Variants in RPRD1B observed in about 807,000 individuals in gnomAD.
RPRD1B encodes the protein regulation of nuclear pre-mRNA domain containing 1B, also known as regulation of nuclear pre-mRNA domain-containing protein 1B.
In RPRD1B, 11 loss-of-function variants were observed where a neutral mutation model predicts 41.5. The observed-to-expected ratio is 0.27, with a 90% CI of 0.17 to 0.44. RPRD1B has a LOEUF of 0.44. Among genes scored for constraint, RPRD1B ranks in the 20% least tolerant of loss-of-function variants. The probability of loss-of-function intolerance (pLI) is 1.00; values close to 1 mark genes in which losing one functional copy is unlikely to be tolerated. For missense variants in RPRD1B, 248 were observed against 389.9 expected (o/e 0.64, Z 3.06); for synonymous variants, 158 against 155.6 (o/e 1.02, Z -0.12).
At chr20:38,057,506 A>T in intron 3 of RPRD1B, 26 bp from the exon 4 acceptor site, 1 of 1,564,346 alleles carries the variant, frequency 6.4e-7, no homozygotes, top group Non-Finnish European at 8.8e-7. Context: ...ATGTGACTCA[A>T]ATTTATTACT....
rs756682950 is a variant in RPRD1B, at chr20:38,033,938, T to A, written c.-10T>A. ...CAGGCCGCTCCCTGCCGGGCCTCAC[T>A]GCCGCCACCATGTCCTCCTTCTCTG... On this transcript the variant is annotated 5_prime_UTR_variant, in exon 1 of 7. Transcript: ENST00000373433. 24 of 1,604,324 alleles carry A rather than the reference T, an allele frequency of 1.5e-5. No individual in the cohort carries two copies. In the Admixed American group the frequency reaches 3.7e-4, roughly 25 times the overall value.
chr20:38,044,757 C>T (rs1189906471), intron 2 of RPRD1B, among the ~76,000 whole-genome samples: 1 of 152,140 alleles, frequency 6.6e-6, no homozygotes, highest in Non-Finnish European at 1.5e-5. Flanking sequence ...ATGGTAGGGA[C>T]ACTCGGAAAT....
chr20:38,090,825 G>A lies in RPRD1B; in HGVS notation c.*950G>A, dbSNP rs2074606087. The A allele has an allele frequency of 3.0e-6, 3 of 985,458 alleles. No individual in the cohort carries two copies. Among genetic ancestry groups the A allele is most frequent in the Non-Finnish European group, 2.4e-6 (2 of 829,956 alleles). The allele number at this position is 985,458 out of a possible 1,614,324, so 61.0% of individuals were successfully genotyped here. On this transcript the variant is annotated 3_prime_UTR_variant, in exon 7 of 7. Transcript: ENST00000373433. ...CACTAACGTTTAATCCGCTGTCTGG[G>A]TGCATGTCCACAGTACGGTGGCTAA...
intron 1 of RPRD1B, among the ~76,000 whole-genome samples, chr20:38,036,082 GAC>G (rs1041774867): frequency 2.0e-5 from 3 of 152,008 alleles, no homozygotes; most frequent in Admixed American, 6.6e-5. Context: ...CTTCTTTTGT[GAC>G]ACTTTCTTGA....
At chr20:38,063,947 T>C (rs2074327049) in intron 5 of RPRD1B, among the ~76,000 whole-genome samples, 1 of 152,250 alleles carries the variant, frequency 6.6e-6, no homozygotes, top group Admixed American at 6.5e-5. Context: ...GTAAAAGTTC[T>C]TGAGGCTGCA....
At chr20:38,048,234 A>T in intron 2 of RPRD1B, 114 bp from the exon 3 acceptor site, 2 of 1,130,496 alleles carry the variant, frequency 1.8e-6, no homozygotes, top group Non-Finnish European at 1.2e-6. Context: ...ATTTGGTTTT[A>T]AATGTGTAAA....
At chr20:38,081,526 A>G (rs1046414312) in intron 6 of RPRD1B, among the ~76,000 whole-genome samples, 3 of 152,144 alleles carry the variant, frequency 2.0e-5, no homozygotes, top group African/African-American at 7.2e-5. Flanking sequence ...CTCTCTTCCT[A>G]TTTGGATGCC....
At chr20:38,066,346 AT>A in intron 6 of RPRD1B, 90 bp downstream of exon 6, 1 of 1,177,490 alleles carries the variant, frequency 8.5e-7, no homozygotes, top group Non-Finnish European at 1.2e-6. Context: ...AATTAACAAC[AT>A]TTTTATCGTT....
intron 1 of RPRD1B, among the ~76,000 whole-genome samples, chr20:38,038,687 A>G (rs573664180): frequency 1.3e-5 from 2 of 151,958 alleles, no homozygotes; most frequent in South Asian, 2.1e-4. Context: ...TAGTAGAGAC[A>G]AGGTTTCACC....
In RPRD1B at chr20:38,089,442, T is replaced by C. The variant is rs143307145; in HGVS notation, c.832-284T>C. ...CTTTTGAGAACCAACAAAAAGAGAATGCAAATACCAAGTGTTATTTCTTTC... is the reference window on the plus strand; with the variant it reads ...CTTTTGAGAACCAACAAAAAGAGAACGCAAATACCAAGTGTTATTTCTTTC... On this transcript the variant is annotated intron_variant, in intron 6 of 6. Coordinates refer to ENST00000373433, the MANE Select transcript of RPRD1B (RefSeq NM_021215.4). Among the ~76,000 whole-genome samples, 15 of 152,288 alleles carry C rather than the reference T, an allele frequency of 9.8e-5. No homozygotes were observed. The East Asian group carries it at 2.1e-3, about 22-fold the overall frequency.
At chr20:38,036,066 G>C (rs537019279) in intron 1 of RPRD1B, among the ~76,000 whole-genome samples, 25 of 152,138 alleles carry the variant, frequency 1.6e-4, no homozygotes, top group Non-Finnish European at 3.4e-4. Context: ...GCCTGGCCAA[G>C]TGTCACTTCT....
chr20:38,084,101 G>A (rs541670844), intron 6 of RPRD1B, among the ~76,000 whole-genome samples: 1 of 152,038 alleles, frequency 6.6e-6, no homozygotes. Context: ...TGTGGCTTTA[G>A]TAGCAAGGGG....
intron 2 of RPRD1B, among the ~76,000 whole-genome samples, chr20:38,046,169 A>G (rs2074118995): frequency 6.6e-6 from 1 of 152,196 alleles, no homozygotes; most frequent in Non-Finnish European, 1.5e-5. Context: ...CTGGAATGCA[A>G]AGTTCCAGGT....
intron 2 of RPRD1B, among the ~76,000 whole-genome samples, chr20:38,046,618 G>A (rs1293602323): frequency 6.6e-6 from 1 of 152,220 alleles, no homozygotes; most frequent in Non-Finnish European, 1.5e-5. Context: ...CACACTGAAG[G>A]TGGTGTAACT....
intron 3 of RPRD1B, among the ~76,000 whole-genome samples, chr20:38,052,752 G>GTT (rs146687415): frequency 1.3e-4 from 11 of 81,694 alleles, no homozygotes; most frequent in East Asian, 3.9e-4. Flanking sequence ...CAAACGCGGT[G>GTT]TTTTTTTTTT....
chr20:38,041,021 A>G (rs1476590570), intron 2 of RPRD1B, among the ~76,000 whole-genome samples: 2 of 152,228 alleles, frequency 1.3e-5, no homozygotes, highest in Non-Finnish European at 2.9e-5. Context: ...TGTAACTGCA[A>G]TAATAGTAAT....
intron 6 of RPRD1B, among the ~76,000 whole-genome samples, chr20:38,082,429 C>CA (rs2074521825): frequency 6.6e-6 from 1 of 152,188 alleles, no homozygotes; most frequent in South Asian, 2.1e-4. Context: ...CTCCGTCCCC[C>CA]AGGCTGGAGT....
intron 6 of RPRD1B, among the ~76,000 whole-genome samples, chr20:38,074,335 G>C (rs1171111248): frequency 6.6e-6 from 1 of 152,044 alleles, no homozygotes; most frequent in Non-Finnish European, 1.5e-5. Context: ...TATCTGTTGG[G>C]TGTGTGTGTG....
At chr20:38,041,371 G>A (rs1388042977) in intron 2 of RPRD1B, among the ~76,000 whole-genome samples, 1 of 152,176 alleles carries the variant, frequency 6.6e-6, no homozygotes, top group Non-Finnish European at 1.5e-5. Context: ...ATAGTGAAAG[G>A]CCTTAAATGA....
Sources: gnomAD v4.1 joint callset for allele counts (sites outside exome capture counted in the v4.1 genomes callset) on GRCh38, gnomAD v4.1.1 for gene constraint, MANE v1.5 for transcripts, NCBI Gene and HGNC (gene_info 2026-07-23, HGNC 2026-07-21) for gene names.